CDH10: variants seen among roughly 807,000 people sequenced by gnomAD.
CDH10 encodes cadherin-10.
In CDH10, 30 loss-of-function variants were observed where a neutral mutation model predicts 73.1. That is an observed-to-expected ratio of 0.41 (90% CI 0.31 to 0.56). The LOEUF (loss-of-function observed/expected upper bound fraction) is 0.56. CDH10 is among the 20% of genes least tolerant of loss of function. The pLI is 0.27. For synonymous variants in CDH10, 345 were observed against 348.2 expected, an observed-to-expected ratio of 0.99 and a Z score of 0.10; for missense variants, 815 against 973.7, an observed-to-expected ratio of 0.84 and a Z score of 2.17.
chr5:24,503,158 C>T (rs769439790), intron 8 of CDH10, among the ~76,000 whole-genome samples: 7 of 152,124 alleles, frequency 4.6e-5, no homozygotes, highest in Non-Finnish European at 8.8e-5. Context: ...CTTGGTGATT[C>T]GGCCCCATCC....
At chr5:24,571,472 C>T (rs1745378378) in intron 2 of CDH10, among the ~76,000 whole-genome samples, 1 of 151,892 alleles carries the variant, frequency 6.6e-6, no homozygotes, top group African/African-American at 2.4e-5. Context: ...AGTCAGATGC[C>T]AGGAAAGCAT....
chr5:24,511,360 C>A lies in CDH10; in HGVS notation c.969G>T (p.Lys323Asn), dbSNP rs201935386. The part of the protein sequence containing the change: ...GTDMFDIVTE[K>N]DTQEGIITVK... Reference sequence around the variant, plus strand: ...CAGTGATGATGCCTTCCTGTGTGTCCTTCTCAGTCACGATGTCAAACATAT... The same window carrying A: ...CAGTGATGATGCCTTCCTGTGTGTCATTCTCAGTCACGATGTCAAACATAT... Residue 323 changes from lysine (K) to asparagine (N), a missense_variant, in exon 6 of 12, where the codon AAG becomes AAT. Around this residue, in one of 3 missense-constraint regions of CDH10, gnomAD observed 516 missense variants for 636.6 expected, o/e 0.81. Coordinates refer to ENST00000264463, the MANE Select transcript of CDH10 (RefSeq NM_006727.5). 4.8e-5 allele frequency: 77 copies of A among 1,612,222 alleles called. 1 individual carries two copies. Among genetic ancestry groups the A allele is most frequent in the Admixed American group, 4.5e-4 (27 of 59,960 alleles).
chr5:24,512,301 C>A (rs1022702548), intron 5 of CDH10, among the ~76,000 whole-genome samples: 1 of 152,222 alleles, frequency 6.6e-6, no homozygotes, highest in East Asian at 1.9e-4. Context: ...CACGCACCAA[C>A]CAAGCGTGTA....
At chr5:24,517,224 T>A (rs1237580544) in intron 5 of CDH10, among the ~76,000 whole-genome samples, 2 of 152,180 alleles carry the variant, frequency 1.3e-5, no homozygotes, top group Non-Finnish European at 2.9e-5. Context: ...AATTTATATT[T>A]GTGAAGTAGT....
rs1037325952 is a variant in CDH10 at position 24,554,488 on chromosome 5, G to A, written c.232-16814C>T. On this transcript the variant is annotated intron_variant, in intron 2 of 11. Coordinates refer to ENST00000264463, the MANE Select transcript of CDH10 (RefSeq NM_006727.5). ...TCTCCCTATTCGTGTGTGTGTGTGT[G>A]TGTGTGTGTGTGTGTGTGTGTGTGT... is the stretch of plus-strand genomic sequence containing the variant. Among the ~76,000 whole-genome samples the A allele has an allele frequency of 1.3e-3, 191 of 144,916 alleles. 1 individual carries two copies. Among genetic ancestry groups the A allele is most frequent in the African/African-American group, 3.0e-3 (108 of 35,750 alleles).
intron 8 of CDH10, among the ~76,000 whole-genome samples, chr5:24,504,900 A>C (rs1742648524): frequency 6.6e-6 from 1 of 152,166 alleles, no homozygotes; most frequent in African/African-American, 2.4e-5. Flanking sequence ...AAATTTTTGC[A>C]TCTTCTACCA....
At chr5:24,621,810 C>T (rs552688594) in intron 1 of CDH10, among the ~76,000 whole-genome samples, 1 of 150,664 alleles carries the variant, frequency 6.6e-6, no homozygotes, top group East Asian at 1.9e-4. Context: ...GCATTATATA[C>T]ATGATATACG....
intron 2 of CDH10, among the ~76,000 whole-genome samples, chr5:24,548,676 C>T (rs189447668): frequency 1.4e-3 from 211 of 152,004 alleles, no homozygotes; most frequent in African/African-American, 5.0e-3. Flanking sequence ...CACATCTTAG[C>T]CAACTTAACA....
intron 11 of CDH10, among the ~76,000 whole-genome samples, chr5:24,490,508 T>G (rs1455202650): frequency 6.6e-6 from 1 of 152,122 alleles, no homozygotes; most frequent in Non-Finnish European, 1.5e-5. Context: ...ATTCATTCAT[T>G]TAATGATTTA....
At position 24,509,749 on chromosome 5, in the gene CDH10, C is replaced by T. The variant is rs375716455; in HGVS notation, c.1073G>A (p.Arg358His). 4.6e-5 allele frequency: 74 copies of T among 1,612,268 alleles called. No homozygotes were observed. Among genetic ancestry groups the T allele is most frequent in the Non-Finnish European group, 5.8e-5 (68 of 1,178,540 alleles). Residue 358 changes from arginine to histidine, a missense_variant, in exon 7 of 12, where the codon CGT (arginine) becomes CAT (histidine). Arg to His is a conservative substitution (Grantham distance 29). Around this residue, in one of 3 missense-constraint regions of CDH10, gnomAD observed 516 missense variants for 636.6 expected, o/e 0.81. Transcript: ENST00000264463. Reference protein sequence around the residue: ...VEAENTHVDPRFYYLGPFKDT... With the variant: ...VEAENTHVDPHFYYLGPFKDT... The stretch of plus-strand genomic sequence containing the variant: ...TTTAAATGGTCCTAGGTAATAAAAA[C>T]GGGGATCTACATGGGTGTTTTCTGC...
chr5:24,567,162 C>T (rs370494237), intron 2 of CDH10, among the ~76,000 whole-genome samples: 1 of 152,040 alleles, frequency 6.6e-6, no homozygotes, highest in African/African-American at 2.4e-5. Context: ...CTATTATATA[C>T]CTTTTAGAAT....
chr5:24,596,378 T>C (rs1037981240), intron 1 of CDH10, among the ~76,000 whole-genome samples: 6 of 151,934 alleles, frequency 3.9e-5, no homozygotes, highest in Non-Finnish European at 7.4e-5. Context: ...GTCTTTTTTT[T>C]TTGTCAGTGT....
intron 2 of CDH10, among the ~76,000 whole-genome samples, chr5:24,563,057 C>G (rs1354463381): frequency 1.3e-5 from 2 of 152,132 alleles, no homozygotes; most frequent in African/African-American, 4.8e-5. Flanking sequence ...TCCATTTAAA[C>G]TTCACCAGTT....
intron 1 of CDH10, among the ~76,000 whole-genome samples, chr5:24,640,525 A>G (rs2112219542): frequency 7.0e-6 from 1 of 143,714 alleles, no homozygotes; most frequent in South Asian, 2.2e-4. Flanking sequence ...AATCAAGACT[A>G]CTTTCTTGAA....
intron 2 of CDH10, among the ~76,000 whole-genome samples, chr5:24,553,745 T>G (rs1744636100): frequency 6.6e-6 from 1 of 152,134 alleles, no homozygotes; most frequent in South Asian, 2.1e-4. Context: ...ATACCCCTCC[T>G]ATTGAATCCC....
chr5:24,588,747 A>C (rs1218456753), intron 2 of CDH10, among the ~76,000 whole-genome samples: 2 of 152,204 alleles, frequency 1.3e-5, no homozygotes, highest in African/African-American at 4.8e-5. Context: ...CTCATGGATC[A>C]GTTTCTACAG....
chr5:24,509,726 T>C lies in CDH10; in HGVS notation c.1096A>G (p.Lys366Glu). The change falls in exon 7 of 12, where the codon AAA (lysine) becomes GAA (glutamate). Residue 366 changes from lysine (K) to glutamate (E), a missense_variant. By Grantham distance (56) the Lys-to-Glu change is moderately conservative. Around this residue, in one of 3 missense-constraint regions of CDH10, gnomAD observed 516 missense variants for 636.6 expected, o/e 0.81. Transcript: ENST00000264463. ...GAGATTTTCACTATGGTAGTATCTT[T>C]AAATGGTCCTAGGTAATAAAAACGG... ...DPRFYYLGPF[K>E]DTTIVKISIE... 2 of 1,613,220 alleles carry C rather than the reference T, an allele frequency of 1.2e-6. No homozygotes were observed. The highest frequency in any genetic ancestry group is 1.7e-6 in the Non-Finnish European group (2 of 1,179,216).
intron 1 of CDH10, among the ~76,000 whole-genome samples, chr5:24,631,113 T>C (rs1747690968): frequency 6.6e-6 from 1 of 152,124 alleles, no homozygotes; most frequent in African/African-American, 2.4e-5. Flanking sequence ...GGAAATGGGA[T>C]TGTACCCAGG....
chr5:24,618,598 A>G (rs1378540192), intron 1 of CDH10, among the ~76,000 whole-genome samples: 6 of 152,210 alleles, frequency 3.9e-5, no homozygotes, highest in African/African-American at 1.4e-4. Context: ...GAGATTTCAA[A>G]CAAGTACTGG....
Sources: allele counts gnomAD v4.1 joint callset (sites outside exome capture counted in the v4.1 genomes callset), GRCh38; gene constraint gnomAD v4.1.1; regional missense constraint gnomAD v4.1.1; transcripts MANE v1.5; gene names NCBI Gene and HGNC (gene_info 2026-07-23, HGNC 2026-07-21).